The following IL3RA variants were observed in gnomAD, a reference collection of about 807,000 sequenced individuals.
IL3RA encodes the protein interleukin-3 receptor subunit alpha.
IL3RA carries 73 observed loss-of-function variants against 52.3 expected under a neutral mutation model. The ratio of observed to expected loss-of-function variants is 1.40; its 90% confidence interval spans 1.16 to 1.70. The LOEUF (loss-of-function observed/expected upper bound fraction) is 1.70, where lower values mean the gene tolerates loss of function less well. IL3RA is among the 40% of genes most tolerant of loss of function. The pLI is 0.00. For missense variants in IL3RA, 664 were observed against 504.4 expected (o/e 1.32, Z -3.03); for synonymous variants, 260 against 194.0 (o/e 1.34, Z -2.83).
intron 9 of IL3RA, among the ~76,000 whole-genome samples, chrX:1,377,126 G>T (rs1157002727): frequency 6.6e-6 from 1 of 152,038 alleles, no homozygotes; most frequent in Non-Finnish European, 1.5e-5. Flanking sequence ...GGGTCTCCAA[G>T]CCCAGGAGAG....
rs1302789575 is a variant in IL3RA at position 1,365,265 on chromosome X, TGCGGGGTGC to T, written c.874+22_874+30del. The T allele has an allele frequency of 7.1e-4, 1,058 of 1,487,746 alleles. 9 individuals carry two copies. The African/African-American group carries it at 0.011, about 15-fold the overall frequency. The allele number at this position is 1,487,746 out of a possible 1,614,324, so 92.2% of individuals were successfully genotyped here. On this transcript the variant is annotated intron_variant, in intron 9 of 11. Transcript: ENST00000331035. ...CCCCAGCGCTTCGGTGAGTGGGCTG[TGCGGGGTGC>T]GCGGGGTGAGCGGGGTGAGCGGGGT...
chrX:1,381,669 C>T (rs1401771839), intron 11 of IL3RA, among the ~76,000 whole-genome samples: 5 of 151,650 alleles, frequency 3.3e-5, no homozygotes, highest in East Asian at 2.0e-4. Flanking sequence ...CTCAGCCTCC[C>T]GAGTAGCTGG....
At chrX:1,354,777 AGAG>A (rs1228872799) in intron 6 of IL3RA, among the ~76,000 whole-genome samples, 2 of 102,108 alleles carry the variant, frequency 2.0e-5, no homozygotes, top group African/African-American at 4.0e-5. Context: ...AGAAGAAAGA[AGAG>A]GAAGAAAGGA....
At chrX:1,356,947 G>C (rs1461406065) in intron 7 of IL3RA, among the ~76,000 whole-genome samples, 1 of 151,998 alleles carries the variant, frequency 6.6e-6, no homozygotes, top group Non-Finnish European at 1.5e-5. Flanking sequence ...TGGATCAGTT[G>C]AACATAAATA....
chrX:1,365,062 G>C, intron 8 of IL3RA, 76 bp from the exon 9 acceptor site: 4 of 1,030,378 alleles, frequency 3.9e-6, no homozygotes, highest in East Asian at 2.5e-5. Flanking sequence ...ACCTGCCTTG[G>C]CCTCCCTAAG....
At chrX:1,348,983 C>T (rs1221739942) in intron 4 of IL3RA, among the ~76,000 whole-genome samples, 1 of 148,934 alleles carries the variant, frequency 6.7e-6, no homozygotes, top group Non-Finnish European at 1.5e-5. Context: ...CTCTTTCTCT[C>T]TTTCCCCCTC....
intron 4 of IL3RA, 82 bp downstream of exon 4, chrX:1,348,627 TTTTTTCTTTTC>T: frequency 8.1e-6 from 7 of 859,140 alleles, no homozygotes; most frequent in Non-Finnish European, 1.3e-5. Context: ...TCGCTGTGTC[TTTTTTCTTTTC>T]TTTTTCTCTT....
At chrX:1,338,532 A>C (rs1703873608) in intron 1 of IL3RA, among the ~76,000 whole-genome samples, 1 of 152,264 alleles carries the variant, frequency 6.6e-6, no homozygotes, top group South Asian at 2.1e-4. Context: ...CACACGGTGG[A>C]ATATTACACA....
chrX:1,365,051 C>G, intron 8 of IL3RA, 87 bp from the exon 9 acceptor site: 1 of 869,348 alleles, frequency 1.2e-6, no homozygotes, highest in East Asian at 2.6e-5. Context: ...TCAGGTGATC[C>G]ACCTGCCTTG....
chrX:1,343,199 C>G (rs1238821845), intron 2 of IL3RA, among the ~76,000 whole-genome samples: 1 of 152,084 alleles, frequency 6.6e-6, no homozygotes, highest in African/African-American at 2.4e-5. Context: ...CATTCTTATG[C>G]TTTGGTCCCG....
Position 1,381,062 on chromosome X carries a change from C to T in IL3RA, c.1020C>T (p.His340=), listed in dbSNP as rs776636264. ...AGAGACTCTTTCCCCGCATCCCTCACATGAAAGACCCCATCGGTGACAGCT... is the reference window on the plus strand; with the variant it reads ...AGAGACTCTTTCCCCGCATCCCTCATATGAAAGACCCCATCGGTGACAGCT... ...VMQRLFPRIP[H]MKDPIGDSFQ... The change falls in exon 11 of 12, where the codon CAC becomes CAT. Residue 340 remains histidine (H), a synonymous_variant. Coordinates refer to ENST00000331035, the MANE Select transcript of IL3RA (RefSeq NM_002183.4). 23 of 1,613,772 alleles carry T rather than the reference C, an allele frequency of 1.4e-5. No individual in the cohort carries two copies. Among genetic ancestry groups the T allele is most frequent in the Middle Eastern group, 1.6e-4 (1 of 6,078 alleles).
At chrX:1,339,084 C>T (rs1433263213) in intron 1 of IL3RA, among the ~76,000 whole-genome samples, 4 of 152,088 alleles carry the variant, frequency 2.6e-5, no homozygotes, top group Admixed American at 6.6e-5. Context: ...AAGCAATCCA[C>T]CCCCCTCAGC....
chrX:1,344,926 G>A (rs2085666315), intron 2 of IL3RA, among the ~76,000 whole-genome samples: 1 of 150,404 alleles, frequency 6.6e-6, no homozygotes, highest in African/African-American at 2.4e-5. Flanking sequence ...ACTTTGGGAG[G>A]CTGAGGCGGA....
chrX:1,351,738 C>T lies in IL3RA; in HGVS notation c.299-362C>T, dbSNP rs766680200. On this transcript the variant is annotated intron_variant, in intron 4 of 11. Coordinates refer to ENST00000331035, the MANE Select transcript of IL3RA (RefSeq NM_002183.4). ...CTGCCTCCTGGGTTCAAGAAATTCTCCTGCCTCAGCCTCCCGAGTAGCTGG... is the reference window on the plus strand; with the variant it reads ...CTGCCTCCTGGGTTCAAGAAATTCTTCTGCCTCAGCCTCCCGAGTAGCTGG... Among the ~76,000 whole-genome samples, 3 of 151,694 alleles carry T rather than the reference C, an allele frequency of 2.0e-5. No homozygotes were observed. In the South Asian group the frequency reaches 6.3e-4, roughly 32 times the overall value.
At position 1,356,315 on chromosome X, in the gene IL3RA, CTA is replaced by C. The variant is rs779634896; in HGVS notation, c.713_714del (p.Tyr238Ter). On this transcript the variant is annotated frameshift_variant, in exon 7 of 12. Coordinates refer to ENST00000331035, the MANE Select transcript of IL3RA (RefSeq NM_002183.4). LOFTEE classifies it high-confidence loss of function. ...MRSHFNRKFR[Y>X]ELQIQKRMQP... ...GAAGTCATTTCAATCGCAAATTTCG[CTA>C]TGAGCTTCAGATACAAAAGGTAAAC... 3 of 1,611,680 alleles carry C rather than the reference CTA, an allele frequency of 1.9e-6. No individual in the cohort carries two copies. Among genetic ancestry groups the C allele is most frequent in the Admixed American group, 3.3e-5 (2 of 59,956 alleles).
At chrX:1,347,953 C>T (rs1475507710) in intron 3 of IL3RA, among the ~76,000 whole-genome samples, 4 of 150,048 alleles carry the variant, frequency 2.7e-5, no homozygotes, top group South Asian at 2.1e-4. Context: ...AGGAGAATGG[C>T]ATGAACCCGG....
chrX:1,355,119 GA>G (rs2086570307), intron 6 of IL3RA, among the ~76,000 whole-genome samples: 1 of 71,000 alleles, frequency 1.4e-5, no homozygotes, highest in African/African-American at 6.4e-5. Flanking sequence ...AGGAGAGGAG[GA>G]GGAGGAGGAG....
intron 8 of IL3RA, among the ~76,000 whole-genome samples, chrX:1,362,879 G>A (rs1253916465): frequency 1.3e-5 from 2 of 151,810 alleles, no homozygotes; most frequent in Non-Finnish European, 2.9e-5. Flanking sequence ...AGGTTCAAGC[G>A]ATTCCCCTGC....
chrX:1,349,556 C>T (rs1240439539), intron 4 of IL3RA, among the ~76,000 whole-genome samples: 13 of 152,178 alleles, frequency 8.5e-5, no homozygotes, highest in African/African-American at 3.1e-4. Flanking sequence ...AAGTGATCCT[C>T]CCGCCTCAGT....
Sources: gnomAD v4.1 joint callset for allele counts (sites outside exome capture counted in the v4.1 genomes callset) on GRCh38, gnomAD v4.1.1 for gene constraint, MANE v1.5 for transcripts, NCBI Gene and HGNC (gene_info 2026-07-23, HGNC 2026-07-21) for gene names.